Variants in ABCA12 observed in about 807,000 individuals in gnomAD.
ABCA12 encodes glucosylceramide transporter ABCA12.
A neutral mutation model predicts 293.5 loss-of-function variants in ABCA12; 156 were observed. The observed-to-expected ratio is 0.53, with a 90% CI of 0.47 to 0.61. The LOEUF (loss-of-function observed/expected upper bound fraction) is 0.61. Among genes scored for constraint, ABCA12 ranks in the 20% least tolerant of loss-of-function variants. The pLI is 0.00. For synonymous variants in ABCA12, 1,063 were observed against 1,108.0 expected, an observed-to-expected ratio of 0.96 and a Z score of 0.81; for missense variants, 2,797 against 3,090.2, an observed-to-expected ratio of 0.91 and a Z score of 2.25.
chr2:214,981,720 A>T (rs1441710384), intron 30 of ABCA12, among the ~76,000 whole-genome samples: 1 of 150,046 alleles, frequency 6.7e-6, no homozygotes, highest in African/African-American at 2.5e-5. Context: ...AAATTTTAAA[A>T]TTTTTAAAAA....
In ABCA12 at chr2:215,000,968, A is replaced by G. The variant is rs777570236; in HGVS notation, c.2916T>C (p.Ser972=). The stretch of plus-strand genomic sequence containing the variant: ...TGACAGGAGGAAGAAAGACATTTCC[A>G]GAGTCATAGCCTCTGTGCCAGCTTC... ...SNRSWHRGYD[S]GNVFLPPVIK... The change falls in exon 22 of 53, where the codon TCT becomes TCC. Residue 972 remains serine (S), a synonymous_variant. Coordinates refer to ENST00000272895, the MANE Select transcript of ABCA12 (RefSeq NM_173076.3). 6.2e-7 allele frequency: 1 copy of G among 1,614,066 alleles called. No homozygotes were observed.
chr2:215,122,057 A>G (rs1702817587), intron 1 of ABCA12, among the ~76,000 whole-genome samples: 1 of 152,216 alleles, frequency 6.6e-6, no homozygotes, highest in African/African-American at 2.4e-5. Context: ...AGTTTTGTGA[A>G]ATCCGTACTT....
At chr2:215,130,978 TC>T (rs938079801) in intron 1 of ABCA12, among the ~76,000 whole-genome samples, 1 of 151,910 alleles carries the variant, frequency 6.6e-6, no homozygotes, top group African/African-American at 2.4e-5. Flanking sequence ...TTGATGGAAT[TC>T]TTTTTCTGCA....
At chr2:215,043,584 G>A (rs1160935047) in intron 7 of ABCA12, among the ~76,000 whole-genome samples, 3 of 151,890 alleles carry the variant, frequency 2.0e-5, no homozygotes, top group East Asian at 1.9e-4. Flanking sequence ...TGTTGTTGTT[G>A]TTGTTGTTGT....
intron 2 of ABCA12, among the ~76,000 whole-genome samples, chr2:215,100,945 G>C (rs1233574160): frequency 6.6e-6 from 1 of 152,114 alleles, no homozygotes; most frequent in African/African-American, 2.4e-5. Context: ...AAATCATCTT[G>C]GAAAAGCACC....
At chr2:215,014,557 C>T (rs1488135154) in intron 15 of ABCA12, among the ~76,000 whole-genome samples, 1 of 152,000 alleles carries the variant, frequency 6.6e-6, no homozygotes, top group Non-Finnish European at 1.5e-5. Context: ...AAGTTTTGAG[C>T]AGAAGGGTGA....
intron 2 of ABCA12, chr2:215,075,879 A>G (rs1701824519): frequency 5.3e-6 from 2 of 377,312 alleles, no homozygotes; most frequent in Admixed American, 4.5e-5. Flanking sequence ...TTGTATGGAA[A>G]AAAAATAGAC....
intron 49 of ABCA12, among the ~76,000 whole-genome samples, chr2:214,943,391 T>C (rs909876715): frequency 2.6e-5 from 4 of 152,022 alleles, no homozygotes; most frequent in East Asian, 1.9e-4. Context: ...GTGATCCTCC[T>C]GCCTTGGACC....
At chr2:215,037,202 T>C (rs1355458315) in intron 7 of ABCA12, 137 bp from the exon 8 acceptor site, 4 of 710,836 alleles carry the variant, frequency 5.6e-6, no homozygotes, top group Non-Finnish European at 9.8e-6. Context: ...TTTTTGTAAT[T>C]TAATTACTTG....
intron 2 of ABCA12, among the ~76,000 whole-genome samples, chr2:215,081,903 G>A (rs531202324): frequency 6.6e-6 from 1 of 152,170 alleles, no homozygotes; most frequent in Admixed American, 6.5e-5. Flanking sequence ...CGGAGCATTG[G>A]GGATTGCGTT....
chr2:214,980,674 T>C, intron 30 of ABCA12, 31 bp from the exon 31 acceptor site: 1 of 1,613,582 alleles, frequency 6.2e-7, no homozygotes, highest in Non-Finnish European at 8.5e-7. Flanking sequence ...CAACAGGGAA[T>C]GAAACGTGAA....
At position 214,970,361 on chromosome 2, in the gene ABCA12, T is replaced by A. The variant is rs1385987870; in HGVS notation, c.5602A>T (p.Thr1868Ser). 4.3e-6 allele frequency: 7 copies of A among 1,613,302 alleles called. No individual in the cohort carries two copies. The highest frequency in any genetic ancestry group is 1.7e-5 in the Admixed American group (1 of 59,980). Residue 1868 changes from threonine (T) to serine (S), a missense_variant, in exon 37 of 53, where the codon ACT becomes TCT. By Grantham distance (58) the Thr-to-Ser change is moderately conservative. Transcript: ENST00000272895. The part of the protein sequence containing the change: ...KFNYSPPHRR[T>S]YSSQVIYNLT... The stretch of plus-strand genomic sequence containing the variant: ...TTATAAATTACCTGGGATGAGTAAG[T>A]TCTTCTGTGCGGTGGGGAATAGTTA...
chr2:214,999,118 T>A (rs567996033), intron 22 of ABCA12, among the ~76,000 whole-genome samples: 53 of 152,296 alleles, frequency 3.5e-4, no homozygotes, highest in Admixed American at 3.1e-3. Context: ...ATATTCCATT[T>A]TTTTTGTTGT....
intron 1 of ABCA12, among the ~76,000 whole-genome samples, chr2:215,129,761 T>G (rs1182498274): frequency 6.6e-6 from 1 of 152,208 alleles, no homozygotes; most frequent in Non-Finnish European, 1.5e-5. Context: ...TATTTTTGCT[T>G]TGTTGCATTT....
chr2:214,955,265 G>T lies in ABCA12; in HGVS notation c.6330C>A (p.Gly2110=). ...CTGACAGGGAAACAATGGAATTAAT[G>T]CCAAAAAACAAGTTGACACAGACGT... ...ITYVCVNLFF[G]INSIVSLSVV... is the part of the protein sequence containing the mutation. The change falls in exon 43 of 53, where the codon GGC becomes GGA. Residue 2110 remains glycine (G), a synonymous_variant. Transcript: ENST00000272895. The T allele has an allele frequency of 2.5e-6, 4 of 1,614,096 alleles. No individual in the cohort carries two copies. The highest frequency in any genetic ancestry group is 3.4e-6 in the Non-Finnish European group (4 of 1,179,976).
chr2:214,935,955 C>T (rs1698206054), intron 51 of ABCA12, among the ~76,000 whole-genome samples: 2 of 152,092 alleles, frequency 1.3e-5, no homozygotes, highest in African/African-American at 2.4e-5. Flanking sequence ...TTCAAATTAA[C>T]ATTGTGCCTT....
rs939761198 is a variant in ABCA12, at chr2:214,947,640, T to C, written c.7105-84A>G. On this transcript the variant is annotated intron_variant, in intron 47 of 52. Transcript: ENST00000272895. ...TAAATGGAAAAAAAAAAGATGCTCA[T>C]GAAAAGAAAATGTTATCATGGAGAA... 5.4e-6 allele frequency: 8 copies of C among 1,480,390 alleles called. No homozygotes were observed. In the Admixed American group the frequency reaches 7.8e-5, roughly 14 times the overall value. 91.7% of individuals were successfully genotyped at this position (1,480,390 alleles called of 1,614,324 possible).
chr2:214,965,776 G>A (rs1252971558), intron 39 of ABCA12, among the ~76,000 whole-genome samples: 3 of 152,138 alleles, frequency 2.0e-5, no homozygotes, highest in African/African-American at 7.2e-5. Context: ...CTTTTACACT[G>A]TTTGTTAGTA....
At chr2:215,024,379 A>T (rs1021826364) in intron 11 of ABCA12, among the ~76,000 whole-genome samples, 15 of 152,136 alleles carry the variant, frequency 9.9e-5, no homozygotes, top group Non-Finnish European at 1.6e-4. Context: ...TATAATTGAT[A>T]AAAAAATGAA....
Sources: gnomAD v4.1 joint callset for allele counts (sites outside exome capture counted in the v4.1 genomes callset) on GRCh38, gnomAD v4.1.1 for gene constraint, MANE v1.5 for transcripts, NCBI Gene and HGNC (gene_info 2026-07-23, HGNC 2026-07-21) for gene names.